EMC9: variants seen among roughly 807,000 people sequenced by gnomAD.
The protein encoded by EMC9 is ER membrane protein complex subunit 9.
In EMC9, 20 loss-of-function variants were observed where a neutral mutation model predicts 25.0. The ratio of observed to expected loss-of-function variants is 0.80; its 90% CI spans 0.56 to 1.16. The LOEUF is 1.16. Ranked by LOEUF, EMC9 falls within the 50% of genes most tolerant of loss-of-function variation. The probability of loss-of-function intolerance (pLI) is 0.00; values close to 1 mark genes in which losing one functional copy is unlikely to be tolerated. For missense variants in EMC9, 256 were observed against 268.7 expected (o/e 0.95, Z 0.33); for synonymous variants, 100 against 107.0 (o/e 0.93, Z 0.40).
Position 24,141,421 on chromosome 14 carries a change from TC to T in EMC9, c.-13+16del, listed in dbSNP as rs1350143130. 3 of 1,084,096 alleles carry T rather than the reference TC, an allele frequency of 2.8e-6. No homozygotes were observed. Among genetic ancestry groups the T allele is most frequent in the Admixed American group, 2.1e-5 (1 of 48,524 alleles). The allele number at this position is 1,084,096 out of a possible 1,614,324, so 67.2% of individuals were successfully genotyped here. ...GCGCTTCGGCACGCTCTTTGACCCT[TC>T]CCCGTGCCCTCTCACTTCGGTTCGG... On this transcript the variant is annotated intron_variant, in intron 1 of 5. Transcript: ENST00000216799.
chr14:24,140,949 G>A lies in EMC9; in HGVS notation c.215C>T (p.Ala72Val). ...ACCAGCCACCACCAGACCGGCCTGT[G>A]CTCCCCACACATCCACCTGTCGTAG... is the stretch of plus-strand genomic sequence containing the variant. ...VALNQVDVWG[A>V]QAGLVVAGYY... Residue 72 changes from alanine to valine, a missense_variant, in exon 3 of 6, where the codon GCA (alanine) becomes GTA (valine). Physicochemically the swap from Ala to Val is moderately conservative, Grantham distance 64. Coordinates refer to ENST00000216799, the MANE Select transcript of EMC9 (RefSeq NM_016049.4). 1.9e-6 allele frequency: 3 copies of A among 1,614,226 alleles called. No individual in the cohort carries two copies. Among genetic ancestry groups the A allele is most frequent in the Non-Finnish European group, 1.7e-6 (2 of 1,180,044 alleles).
At chr14:24,141,350 G>T in intron 1 of EMC9, 34 bp from the exon 2 acceptor site, 1 of 1,600,328 alleles carries the variant, frequency 6.2e-7, no homozygotes. Flanking sequence ...ATTAGTACCG[G>T]ATTAGGCGAG....
chr14:24,140,973 A>G lies in EMC9; in HGVS notation c.199-8T>C. On this transcript the variant is annotated splice_region_variant and splice_polypyrimidine_tract_variant and intron_variant, in intron 2 of 5. Transcript: ENST00000216799. ...TGCTCCCCACACATCCACCTGTCGT[A>G]GGAAAGGGGCCATCAGTAATTAAAT... is the stretch of plus-strand genomic sequence containing the variant. The G allele has an allele frequency of 6.2e-7, 1 of 1,614,238 alleles. No individual in the cohort carries two copies. Among genetic ancestry groups the G allele is most frequent in the Non-Finnish European group, 8.5e-7 (1 of 1,180,050 alleles).
intron 3 of EMC9, chr14:24,140,146 AATATAT>A (rs57120459): frequency 0.31 from 48,511 of 154,864 alleles, 8,854 homozygotes; most frequent in East Asian, 0.62. Context: ...GTATATGATT[AATATAT>A]ATATATATAT....
rs2139060536 is a variant in EMC9, at chr14:24,141,567, G to T, written c.-142C>A. The T allele has an allele frequency of 1.7e-6, 1 of 584,088 alleles. No individual in the cohort carries two copies. Among genetic ancestry groups the T allele is most frequent in the Non-Finnish European group, 3.1e-6 (1 of 326,454 alleles). The allele number at this position is 584,088 out of a possible 1,614,324, so 36.2% of individuals were successfully genotyped here. On this transcript the variant is annotated 5_prime_UTR_variant, in exon 1 of 6. Coordinates refer to ENST00000216799, the MANE Select transcript of EMC9 (RefSeq NM_016049.4). ...TTGCATCCGAGCCCCGCCTTCCCGC[G>T]CCCCTAGCTGGCGGCCGCGACTCTG...
Position 24,141,546 on chromosome 14 carries a change from A to G in EMC9, c.-121T>C. On this transcript the variant is annotated 5_prime_UTR_variant, in exon 1 of 6. The change abolishes an upstream ATG in the 5' untranslated region. Coordinates refer to ENST00000216799, the MANE Select transcript of EMC9 (RefSeq NM_016049.4). ...CAGTCCAGGAGGAGGTCCCGATTGC[A>G]TCCGAGCCCCGCCTTCCCGCGCCCC... The G allele has an allele frequency of 3.4e-6, 2 of 593,636 alleles. No individual in the cohort carries two copies. Among genetic ancestry groups the G allele is most frequent in the East Asian group, 5.6e-5 (2 of 35,768 alleles). The allele number at this position is 593,636 out of a possible 1,614,324, so 36.8% of individuals were successfully genotyped here. A position where few individuals can be genotyped will look rare whatever the true frequency, so the allele number is the denominator to read the frequency against.
Position 24,141,266 on chromosome 14 carries a change from C to A in EMC9, c.39G>T (p.Lys13Asn). The A allele has an allele frequency of 6.4e-7, 1 of 1,569,410 alleles. No individual in the cohort carries two copies. Among genetic ancestry groups the A allele is most frequent in the Non-Finnish European group, 8.6e-7 (1 of 1,159,238 alleles). Residue 13 changes from lysine (K) to asparagine (N), a missense_variant, in exon 2 of 6, where the codon AAG becomes AAT. Transcript: ENST00000216799. ...EVEISALAYVKMCLHAARYPH... is the reference protein window; with the variant it reads ...EVEISALAYVNMCLHAARYPH... Reference sequence around the variant, plus strand: ...GGTACCGGGCAGCATGCAGGCACATCTTCACGTAGGCCAGGGCCGAGATCT... The same window carrying A: ...GGTACCGGGCAGCATGCAGGCACATATTCACGTAGGCCAGGGCCGAGATCT...
chr14:24,139,699 G>A lies in EMC9; in HGVS notation c.276-85C>T, dbSNP rs567698960. On this transcript the variant is annotated intron_variant, in intron 3 of 5. Coordinates refer to ENST00000216799, the MANE Select transcript of EMC9 (RefSeq NM_016049.4). The surrounding 1 kb of genome is among the most constrained non-coding windows in gnomAD (Gnocchi z 4.6). ...GAGCTGGGCCTCCCAGGTCTCATAGGTGTGGGCGCAGCTGTGGCCTTTCCC... is the reference window on the plus strand; with the variant it reads ...GAGCTGGGCCTCCCAGGTCTCATAGATGTGGGCGCAGCTGTGGCCTTTCCC... The A allele has an allele frequency of 2.6e-5, 40 of 1,562,576 alleles. No individual in the cohort carries two copies. The Admixed American group carries it at 4.6e-4, about 18-fold the overall frequency.
Position 24,141,048 on chromosome 14 carries a change from A to T in EMC9, c.198+59T>A, listed in dbSNP as rs78632230. 990 of 1,613,674 alleles carry T rather than the reference A, an allele frequency of 6.1e-4. 6 individuals carry two copies. The highest frequency in any genetic ancestry group is 4.6e-3 in the Middle Eastern group (28 of 6,060). On this transcript the variant is annotated intron_variant, in intron 2 of 5. Coordinates refer to ENST00000216799, the MANE Select transcript of EMC9 (RefSeq NM_016049.4). The stretch of plus-strand genomic sequence containing the variant: ...CACTGCTGCCAAGGGACCGGGGATG[A>T]ACTTGGGCTGGGGTGTTGGGTGGGT...
rs543393596 is a variant in EMC9, at chr14:24,141,552, G to A, written c.-127C>T. The A allele has an allele frequency of 9.2e-4, 546 of 592,674 alleles. 4 individuals carry two copies. Among genetic ancestry groups the A allele is most frequent in the African/African-American group, 8.3e-3 (448 of 53,774 alleles). 36.7% of individuals were successfully genotyped at this position (592,674 alleles called of 1,614,324 possible). A position where few individuals can be genotyped will look rare whatever the true frequency, so the allele number is the denominator to read the frequency against. On this transcript the variant is annotated 5_prime_UTR_variant, in exon 1 of 6. Coordinates refer to ENST00000216799, the MANE Select transcript of EMC9 (RefSeq NM_016049.4). ...AGGAGGAGGTCCCGATTGCATCCGA[G>A]CCCCGCCTTCCCGCGCCCCTAGCTG... is the stretch of plus-strand genomic sequence containing the variant.
rs10151187 is a variant in EMC9, at chr14:24,141,580, G to C, written c.-155C>G. The C allele has an allele frequency of 6.4e-3, 3,675 of 576,456 alleles. 39 individuals are homozygous for C. The highest frequency in any genetic ancestry group is 0.032 in the African/African-American group (1,728 of 53,394). The allele number at this position is 576,456 out of a possible 1,614,324, so 35.7% of individuals were successfully genotyped here. A position where few individuals can be genotyped will look rare whatever the true frequency, so the allele number is the denominator to read the frequency against. On this transcript the variant is annotated 5_prime_UTR_variant, in exon 1 of 6. Coordinates refer to ENST00000216799, the MANE Select transcript of EMC9 (RefSeq NM_016049.4). Reference sequence around the variant, plus strand: ...CCGCCTTCCCGCGCCCCTAGCTGGCGGCCGCGACTCTGCGCCTGCCTGGGA... The same window carrying C: ...CCGCCTTCCCGCGCCCCTAGCTGGCCGCCGCGACTCTGCGCCTGCCTGGGA...
chr14:24,139,194 A>G lies in EMC9; in HGVS notation c.443T>C (p.Val148Ala), dbSNP rs752229773. The G allele has an allele frequency of 9.3e-6, 15 of 1,613,822 alleles. No homozygotes were observed. The South Asian group carries it at 1.5e-4, about 17-fold the overall frequency. ...LRWVPKDKNL[V>A]MWRDWEESRQ... is the part of the protein sequence containing the mutation. ...TGACTCTTCCCAGTCCCTCCACATCACTCTGAAATAGTAACCCCCATGGAG... is the reference window on the plus strand; with the variant it reads ...TGACTCTTCCCAGTCCCTCCACATCGCTCTGAAATAGTAACCCCCATGGAG... The change falls in exon 6 of 6, where the codon GTG (valine) becomes GCG (alanine). Residue 148 changes from valine (V) to alanine (A), a missense_variant and splice_region_variant. Val to Ala is a moderately conservative substitution (Grantham distance 64). Transcript: ENST00000216799. The surrounding 1 kb of genome is among the most constrained non-coding windows in gnomAD (Gnocchi z 4.6).
rs202134628 is a variant in EMC9, at chr14:24,139,523, C to T, written c.345+22G>A. 1.4e-5 allele frequency: 22 copies of T among 1,612,626 alleles called. No homozygotes were observed. The highest frequency in any genetic ancestry group is 1.7e-5 in the Non-Finnish European group (20 of 1,179,146). On this transcript the variant is annotated intron_variant, in intron 4 of 5. Coordinates refer to ENST00000216799, the MANE Select transcript of EMC9 (RefSeq NM_016049.4). The surrounding 1 kb of genome is among the most constrained non-coding windows in gnomAD (Gnocchi z 4.6). ...CCACCCTACTTGCTTTTCACCTCCCCACCCAGAAACCCAAGCCTCACCATA... is the reference window on the plus strand; with the variant it reads ...CCACCCTACTTGCTTTTCACCTCCCTACCCAGAAACCCAAGCCTCACCATA...
intron 3 of EMC9, chr14:24,140,109 AC>A (rs1455884458): frequency 4.0e-6 from 1 of 250,498 alleles, no homozygotes; most frequent in Non-Finnish European, 8.0e-6. Flanking sequence ...AACGCAAATT[AC>A]AAAACAGTAC....
In EMC9 at chr14:24,138,966, C is replaced by A. The variant is rs1355002047; in HGVS notation, c.*44G>T. ...TAAATATAGTTATACCACTGCCCATCAGCCCAAGTCTCTTTATTGGAACCG... is the reference window on the plus strand; with the variant it reads ...TAAATATAGTTATACCACTGCCCATAAGCCCAAGTCTCTTTATTGGAACCG... On this transcript the variant is annotated 3_prime_UTR_variant, in exon 6 of 6. Transcript: ENST00000216799. The A allele has an allele frequency of 6.2e-7, 1 of 1,606,900 alleles. No homozygotes were observed. Among genetic ancestry groups the A allele is most frequent in the Admixed American group, 1.7e-5 (1 of 59,628 alleles).
Position 24,141,578 on chromosome 14 carries a change from G to A in EMC9, c.-153C>T. Reference sequence around the variant, plus strand: ...CCCCGCCTTCCCGCGCCCCTAGCTGGCGGCCGCGACTCTGCGCCTGCCTGG... The same window carrying A: ...CCCCGCCTTCCCGCGCCCCTAGCTGACGGCCGCGACTCTGCGCCTGCCTGG... On this transcript the variant is annotated 5_prime_UTR_variant, in exon 1 of 6. Transcript: ENST00000216799. 1 of 578,450 alleles carries A rather than the reference G, an allele frequency of 1.7e-6. No individual in the cohort carries two copies. The highest frequency in any genetic ancestry group is 3.1e-6 in the Non-Finnish European group (1 of 322,884). 35.8% of individuals were successfully genotyped at this position (578,450 alleles called of 1,614,324 possible). A position where few individuals can be genotyped will look rare whatever the true frequency, so the allele number is the denominator to read the frequency against.
In EMC9 at chr14:24,141,428, G is replaced by A. The variant is rs541286783; in HGVS notation, c.-13+10C>T. ...GGCACGCTCTTTGACCCTTCCCCGT[G>A]CCCTCTCACTTCGGTTCGGCGACAA... On this transcript the variant is annotated intron_variant, in intron 1 of 5. Transcript: ENST00000216799. 4.9e-6 allele frequency: 5 copies of A among 1,028,828 alleles called. No individual in the cohort carries two copies. In the Admixed American group the frequency reaches 1.1e-4, roughly 22 times the overall value. 63.7% of individuals were successfully genotyped at this position (1,028,828 alleles called of 1,614,324 possible). A position where few individuals can be genotyped will look rare whatever the true frequency, so the allele number is the denominator to read the frequency against.
Position 24,141,512 on chromosome 14 carries a change from C to T in EMC9, c.-87G>A, listed in dbSNP as rs2038061946. On this transcript the variant is annotated 5_prime_UTR_variant, in exon 1 of 6. Transcript: ENST00000216799. ...CCGGCGCCCTGGGTCCCGGAGTCCG[C>T]CCCCGGCCCAGTCCAGGAGGAGGTC... 3.2e-6 allele frequency: 2 copies of T among 620,018 alleles called. No individual in the cohort carries two copies. The highest frequency in any genetic ancestry group is 2.8e-5 in the East Asian group (1 of 36,360). The allele number at this position is 620,018 out of a possible 1,614,324, so 38.4% of individuals were successfully genotyped here. A position where few individuals can be genotyped will look rare whatever the true frequency, so the allele number is the denominator to read the frequency against.
rs193088634 is a variant in EMC9, at chr14:24,139,912, C to T, written c.276-298G>A. 1 of 569,588 alleles carries T rather than the reference C, an allele frequency of 1.8e-6. No individual in the cohort carries two copies. The highest frequency in any genetic ancestry group is 3.2e-6 in the Non-Finnish European group (1 of 315,320). 35.3% of individuals were successfully genotyped at this position (569,588 alleles called of 1,614,324 possible). ...TATACATACTATACATATGCTGACC[C>T]AGAAATTCTACTTATAAAGAATTTA... On this transcript the variant is annotated intron_variant, in intron 3 of 5. Transcript: ENST00000216799. This position sits in a 1 kb window ranked among gnomAD's most constrained non-coding sequence, Gnocchi z 4.6.
Sources: gnomAD v4.1 joint callset for allele counts on GRCh38, gnomAD v4.1.1 for gene constraint, Gnocchi (gnomAD v3.1) non-coding constraint, MANE v1.5 for transcripts, NCBI Gene and HGNC (gene_info 2026-07-23, HGNC 2026-07-21) for gene names.